The following DCDC2 variants were observed in gnomAD, a reference collection of about 807,000 sequenced individuals.
The protein encoded by DCDC2 is doublecortin domain containing 2, also known as doublecortin domain-containing protein 2.
In DCDC2, 40 loss-of-function variants were observed where a neutral mutation model predicts 50.2. That is an observed-to-expected ratio of 0.80 (90% CI 0.62 to 1.04). The LOEUF is 1.04. Among genes scored for constraint, DCDC2 ranks in the 50% least tolerant of loss-of-function variants. DCDC2 has a pLI of 0.00. For synonymous variants in DCDC2, 234 were observed against 210.6 expected (o/e 1.11, Z -0.96); for missense variants, 570 against 581.9 (o/e 0.98, Z 0.21).
chr6:24,298,828 C>T (rs764472314), intron 4 of DCDC2, among the ~76,000 whole-genome samples: 2 of 152,138 alleles, frequency 1.3e-5, no homozygotes, highest in Non-Finnish European at 2.9e-5. Flanking sequence ...TTAGAATAAA[C>T]TCTTTGGAAG....
chr6:24,268,428 A>G (rs1311252006), intron 7 of DCDC2, among the ~76,000 whole-genome samples: 1 of 152,118 alleles, frequency 6.6e-6, no homozygotes, highest in Non-Finnish European at 1.5e-5. Context: ...CAGAGGTTGC[A>G]GTAAGCTGAG....
intron 7 of DCDC2, among the ~76,000 whole-genome samples, chr6:24,232,042 T>C (rs570186349): frequency 6.6e-6 from 1 of 151,172 alleles, no homozygotes; most frequent in African/African-American, 2.4e-5. Context: ...CACACATACA[T>C]ACATATAACT....
intron 7 of DCDC2, among the ~76,000 whole-genome samples, chr6:24,223,787 G>A (rs1011856919): frequency 2.6e-5 from 4 of 152,154 alleles, no homozygotes; most frequent in African/African-American, 9.7e-5. Flanking sequence ...TGCCACTTTG[G>A]CCAGTGTAAC....
At chr6:24,260,012 T>C (rs1475876121) in intron 7 of DCDC2, among the ~76,000 whole-genome samples, 1 of 152,202 alleles carries the variant, frequency 6.6e-6, no homozygotes, top group Non-Finnish European at 1.5e-5. Context: ...TAAAGAGAAT[T>C]GATGCTTAAG....
In DCDC2 at chr6:24,184,029, A is replaced by G. The variant is rs192809363; in HGVS notation, c.1024-5397T>C. Among the ~76,000 whole-genome samples, 438 of 152,330 alleles carry G rather than the reference A, an allele frequency of 2.9e-3. 1 individual carries two copies. The highest frequency in any genetic ancestry group is 4.8e-3 in the Non-Finnish European group (324 of 68,026). ...TTCATGCAACTCTCACAATAGCCCT[A>G]TGAGTTGTTTCTTATACCCATTAGA... is the stretch of plus-strand genomic sequence containing the variant. On this transcript the variant is annotated intron_variant, in intron 8 of 9. Coordinates refer to ENST00000378454, the MANE Select transcript of DCDC2 (RefSeq NM_016356.5).
At position 24,185,070 on chromosome 6, in the gene DCDC2, G is replaced by A. The variant is rs531474292; in HGVS notation, c.1024-6438C>T. ...ACATCTGGATTTATACCTAAAAATG[G>A]CAAAATAATAACATATTAGTATTTA... On this transcript the variant is annotated intron_variant, in intron 8 of 9. Coordinates refer to ENST00000378454, the MANE Select transcript of DCDC2 (RefSeq NM_016356.5). Among the ~76,000 whole-genome samples, 23 of 152,216 alleles carry A rather than the reference G, an allele frequency of 1.5e-4. No homozygotes were observed. The South Asian group carries it at 4.1e-3, about 27-fold the overall frequency.
In DCDC2 at chr6:24,175,770, C is replaced by T. The variant is rs527355987; in HGVS notation, c.1327-936G>A. 5.9e-5 allele frequency among the ~76,000 whole-genome samples: 9 copies of T among 152,204 alleles called. No individual in the cohort carries two copies. In the South Asian group the frequency reaches 1.2e-3, roughly 21 times the overall value. Reference sequence around the variant, plus strand: ...TTGTTACATGGAACAAAATGTTACACGGTGAACAGAATTTCTAGTCATTTT... The same window carrying T: ...TTGTTACATGGAACAAAATGTTACATGGTGAACAGAATTTCTAGTCATTTT... On this transcript the variant is annotated intron_variant, in intron 9 of 9. Coordinates refer to ENST00000378454, the MANE Select transcript of DCDC2 (RefSeq NM_016356.5).
chr6:24,183,945 G>A (rs370370362), intron 8 of DCDC2, among the ~76,000 whole-genome samples: 5 of 152,272 alleles, frequency 3.3e-5, no homozygotes, highest in East Asian at 1.9e-4. Flanking sequence ...TGAGAAAGGC[G>A]GGGCAAATGG....
At chr6:24,239,656 T>TTA (rs1344602409) in intron 7 of DCDC2, among the ~76,000 whole-genome samples, 1 of 152,212 alleles carries the variant, frequency 6.6e-6, no homozygotes, top group Non-Finnish European at 1.5e-5. Context: ...AAAGTTCTCT[T>TTA]TACTCTCATG....
chr6:24,237,672 G>C (rs1762476456), intron 7 of DCDC2, among the ~76,000 whole-genome samples: 1 of 152,142 alleles, frequency 6.6e-6, no homozygotes, highest in Admixed American at 6.5e-5. Context: ...ATCAACCTAG[G>C]TGTCTATCAA....
Position 24,289,971 on chromosome 6 carries a change from C to CTTTTT in DCDC2, c.704+956_704+960dup, listed in dbSNP as rs3077132. ...TCCTGCAGCATGGGCCAGAGCTCTT[C>CTTTTT]TTTTTTTTTTTTTTTTTTTTTTTTT... On this transcript the variant is annotated intron_variant, in intron 5 of 9. Transcript: ENST00000378454. Among the ~76,000 whole-genome samples, 28 of 61,042 alleles carry CTTTTT rather than the reference C, an allele frequency of 4.6e-4. 2 individuals carry two copies. The highest frequency in any genetic ancestry group is 1.5e-3 in the South Asian group (2 of 1,370). The allele number at this position is 61,042 out of a possible 152,430, so 40.0% of individuals were successfully genotyped here.
intron 7 of DCDC2, among the ~76,000 whole-genome samples, chr6:24,270,500 A>G (rs1191823925): frequency 1.3e-5 from 2 of 152,024 alleles, no homozygotes; most frequent in African/African-American, 2.4e-5. Flanking sequence ...ACAAATACTG[A>G]CCCTGTGCTG....
rs963384722 is a variant in DCDC2, at chr6:24,207,355, A to T, written c.923-2253T>A. 1.1e-4 allele frequency among the ~76,000 whole-genome samples: 17 copies of T among 152,020 alleles called. No individual in the cohort carries two copies. The East Asian group carries it at 2.7e-3, about 24-fold the overall frequency. On this transcript the variant is annotated intron_variant, in intron 7 of 9. Transcript: ENST00000378454. ...GGATCTTATTGTACATATAATTTTT[A>T]AAATCATTTCTTTAAAACCATATCA...
In DCDC2 at chr6:24,265,941, GAAATA is replaced by G. The variant is rs373757634; in HGVS notation, c.922+12103_922+12107del. 2.3e-3 allele frequency among the ~76,000 whole-genome samples: 349 copies of G among 151,454 alleles called. 2 individuals are homozygous for G. Among genetic ancestry groups the G allele is most frequent in the African/African-American group, 8.1e-3 (335 of 41,340 alleles). On this transcript the variant is annotated intron_variant, in intron 7 of 9. Transcript: ENST00000378454. ...GAAACAAAAAATACAAAAGATCAAT[GAAATA>G]AATAGTGGAAAAAAAAATAAAATTG...
intron 7 of DCDC2, among the ~76,000 whole-genome samples, chr6:24,253,535 TAGAA>T (rs1762834116): frequency 6.6e-6 from 1 of 152,178 alleles, no homozygotes; most frequent in Non-Finnish European, 1.5e-5. Flanking sequence ...TACACAAACT[TAGAA>T]GGAATAGCCT....
At chr6:24,306,537 G>A (rs1482789847) in intron 2 of DCDC2, among the ~76,000 whole-genome samples, 1 of 142,642 alleles carries the variant, frequency 7.0e-6, no homozygotes, top group African/African-American at 2.8e-5. Flanking sequence ...TAGATAGATA[G>A]ATAGATAGAC....
intron 8 of DCDC2, among the ~76,000 whole-genome samples, chr6:24,202,222 C>T (rs963532074): frequency 2.6e-5 from 4 of 152,050 alleles, no homozygotes; most frequent in Non-Finnish European, 5.9e-5. Context: ...ATATTGACAC[C>T]AAAATCCTCA....
At position 24,357,519 on chromosome 6, in the gene DCDC2, C is replaced by G. The variant is rs1194201712; in HGVS notation, c.232G>C (p.Asp78His). 2.5e-6 allele frequency: 4 copies of G among 1,613,436 alleles called. No homozygotes were observed. The Admixed American group carries it at 6.7e-5, about 27-fold the overall frequency. Reference protein sequence around the residue: ...PRTGHRIRKLDQIQSGGNYVA... With the variant: ...PRTGHRIRKLHQIQSGGNYVA... ...TAATTGCCCCCGCTCTGGATCTGGT[C>G]TAGCTTCCGGATTCGGTGGCCAGTC... Residue 78 changes from aspartate (D) to histidine (H), a missense_variant, in exon 1 of 10, where the codon GAC becomes CAC. Asp to His is a moderately conservative substitution (Grantham distance 81). Transcript: ENST00000378454.
intron 2 of DCDC2, among the ~76,000 whole-genome samples, chr6:24,333,803 T>C (rs1760009592): frequency 6.6e-6 from 1 of 152,188 alleles, no homozygotes; most frequent in Non-Finnish European, 1.5e-5. Context: ...AGTAGGAGAC[T>C]ACTGAGGCAA....
Sources: allele counts gnomAD v4.1 joint callset (sites outside exome capture counted in the v4.1 genomes callset), GRCh38; gene constraint gnomAD v4.1.1; transcripts MANE v1.5; gene names NCBI Gene and HGNC (gene_info 2026-07-23, HGNC 2026-07-21).